The following CAMK1G variants were observed in gnomAD, a reference collection of about 807,000 sequenced individuals.
CAMK1G encodes calcium/calmodulin-dependent protein kinase type 1G.
Under a neutral mutation model 54.8 loss-of-function variants are expected in CAMK1G, and 27 were observed. The observed-to-expected ratio is 0.49, with a 90% CI of 0.36 to 0.68. The LOEUF (loss-of-function observed/expected upper bound fraction) is 0.68, where lower values mean the gene tolerates loss of function less well. Among genes scored for constraint, CAMK1G ranks in the 30% least tolerant of loss-of-function variants. The pLI is 0.00. For missense variants in CAMK1G, 512 were observed against 591.0 expected (o/e 0.87, Z 1.39); for synonymous variants, 238 against 224.9 (o/e 1.06, Z -0.52).
At chr1:209,609,967 T>C in intron 9 of CAMK1G, 38 bp downstream of exon 9, 1 of 1,530,456 alleles carries the variant, frequency 6.5e-7, no homozygotes, top group Non-Finnish European at 9.1e-7. Context: ...ACCCCAGCCC[T>C]GTAGTTCCCA....
intron 1 of CAMK1G, 100 bp from the exon 2 acceptor site, chr1:209,594,855 T>C (rs1665340793): frequency 7.7e-6 from 5 of 648,270 alleles, no homozygotes; most frequent in Non-Finnish European, 1.3e-5. Context: ...TTCTGATAAT[T>C]ACAGAAAGAT....
At chr1:209,593,721 C>T (rs1335921678) in intron 1 of CAMK1G, among the ~76,000 whole-genome samples, 4 of 98,998 alleles carry the variant, frequency 4.0e-5, no homozygotes, top group African/African-American at 1.2e-4. Context: ...CTCCTTCACT[C>T]CCATCTGGCC....
At chr1:209,584,473 T>A (rs1665044289) in intron 1 of CAMK1G, among the ~76,000 whole-genome samples, 1 of 152,110 alleles carries the variant, frequency 6.6e-6, no homozygotes, top group Admixed American at 6.5e-5. Context: ...CGCGTCTACC[T>A]CCCTTCTGTT....
chr1:209,584,049 G>A (rs1041143196), intron 1 of CAMK1G: 1 of 152,154 alleles, frequency 6.6e-6, no homozygotes, highest in African/African-American at 2.4e-5. Context: ...GCAGGGAAAA[G>A]GGAGAAAAAT....
chr1:209,604,166 C>G (rs181283508), intron 4 of CAMK1G, among the ~76,000 whole-genome samples: 117 of 152,302 alleles, frequency 7.7e-4, no homozygotes, highest in Non-Finnish European at 1.8e-4. Flanking sequence ...AACGAGATAA[C>G]TCAGGCCTAA....
chr1:209,584,976 A>T (rs939319731), intron 1 of CAMK1G, among the ~76,000 whole-genome samples: 1 of 152,238 alleles, frequency 6.6e-6, no homozygotes, highest in East Asian at 1.9e-4. Context: ...ATGGTGTGGC[A>T]TGTATTATTT....
intron 1 of CAMK1G, among the ~76,000 whole-genome samples, chr1:209,590,671 G>A (rs1665222833): frequency 1.3e-5 from 2 of 152,156 alleles, no homozygotes; most frequent in South Asian, 4.1e-4. Flanking sequence ...CCCAGAGCTG[G>A]AAGGCGGCTC....
rs776372411 is a variant in CAMK1G at position 209,605,712 on chromosome 1, G to T, written c.435+38G>T. On this transcript the variant is annotated intron_variant, in intron 5 of 12. Transcript: ENST00000361322. ...GAGTCCTGGGTGGGAAACAGATAAT[G>T]ACCCTTAAGGAAGCTGCATGGGTCA... 4 of 1,595,290 alleles carry T rather than the reference G, an allele frequency of 2.5e-6. No individual in the cohort carries two copies. The Admixed American group carries it at 5.0e-5, about 20-fold the overall frequency.
chr1:209,588,934 T>C (rs1173945974), intron 1 of CAMK1G, among the ~76,000 whole-genome samples: 1 of 152,182 alleles, frequency 6.6e-6, no homozygotes, highest in Non-Finnish European at 1.5e-5. Context: ...CTGCCTGCCC[T>C]TTAGGAAGAA....
chr1:209,594,690 C>G (rs1665336343), intron 1 of CAMK1G, among the ~76,000 whole-genome samples: 2 of 152,234 alleles, frequency 1.3e-5, no homozygotes, highest in Non-Finnish European at 2.9e-5. Context: ...CCCAGGTTAT[C>G]TACACACGTA....
intron 2 of CAMK1G, 150 bp from the exon 3 acceptor site, chr1:209,599,833 C>G: frequency 2.2e-6 from 2 of 905,700 alleles, no homozygotes; most frequent in Non-Finnish European, 3.1e-6. Context: ...TTTGTGCTTT[C>G]CTGATGTTTC....
chr1:209,596,223 G>T (rs187872812), intron 2 of CAMK1G, among the ~76,000 whole-genome samples: 6 of 152,220 alleles, frequency 3.9e-5, no homozygotes, highest in East Asian at 3.9e-4. Flanking sequence ...GCGGGGTGCT[G>T]GTCATGAGAG....
intron 1 of CAMK1G, among the ~76,000 whole-genome samples, chr1:209,589,375 A>G (rs55814069): frequency 0.18 from 27,679 of 152,152 alleles, 2,760 homozygotes; most frequent in African/African-American, 0.23. Flanking sequence ...TTCTATGGCC[A>G]TTCCACCCTC....
At chr1:209,612,268 G>T in intron 11 of CAMK1G, 52 bp downstream of exon 11, 1 of 1,583,436 alleles carries the variant, frequency 6.3e-7, no homozygotes, top group Non-Finnish European at 8.6e-7. Context: ...GAAAGAAATC[G>T]GTCAACAGGA....
At chr1:209,591,220 C>T (rs1233339707) in intron 1 of CAMK1G, among the ~76,000 whole-genome samples, 1 of 152,162 alleles carries the variant, frequency 6.6e-6, no homozygotes, top group Non-Finnish European at 1.5e-5. Context: ...CCAGTGCCTG[C>T]ATCCTGAACT....
At chr1:209,597,231 T>C (rs1665412563) in intron 2 of CAMK1G, among the ~76,000 whole-genome samples, 1 of 152,242 alleles carries the variant, frequency 6.6e-6, no homozygotes, top group South Asian at 2.1e-4. Context: ...AATTATCATA[T>C]GAACATGTAT....
chr1:209,609,183 C>T, intron 8 of CAMK1G, 91 bp downstream of exon 8: 1 of 1,492,492 alleles, frequency 6.7e-7, no homozygotes. Flanking sequence ...AGTCCCGGCT[C>T]TTCAAAGTCC....
chr1:209,610,893 C>T (rs755522493), intron 9 of CAMK1G, among the ~76,000 whole-genome samples: 13 of 152,078 alleles, frequency 8.5e-5, no homozygotes, highest in Non-Finnish European at 1.9e-4. Flanking sequence ...ACTTAGAGAC[C>T]AGTGAATAAG....
At chr1:209,599,720 C>T (rs1164923673) in intron 2 of CAMK1G, among the ~76,000 whole-genome samples, 2 of 152,206 alleles carry the variant, frequency 1.3e-5, no homozygotes, top group Non-Finnish European at 2.9e-5. Flanking sequence ...GTACAGGTTC[C>T]AGTCTAGGGT....
Sources: allele counts gnomAD v4.1 joint callset (sites outside exome capture counted in the v4.1 genomes callset), GRCh38; gene constraint gnomAD v4.1.1; transcripts MANE v1.5; gene names NCBI Gene and HGNC (gene_info 2026-07-23, HGNC 2026-07-21).